Variants in RAPGEF4 observed in about 807,000 individuals in gnomAD.
RAPGEF4 encodes Rap guanine nucleotide exchange factor 4.
In RAPGEF4, 66 loss-of-function variants were observed where a neutral mutation model predicts 147.9. The observed-to-expected ratio is 0.45, with a 90% CI of 0.37 to 0.55. The LOEUF is 0.55. RAPGEF4 is among the 20% of genes least tolerant of loss of function. RAPGEF4 has a pLI of 0.00. For synonymous variants in RAPGEF4, 419 were observed against 442.7 expected (o/e 0.95, Z 0.67); for missense variants, 1,071 against 1,257.3 (o/e 0.85, Z 2.24).
intron 5 of RAPGEF4, among the ~76,000 whole-genome samples, chr2:172,918,211 C>T (rs1033724119): frequency 1.4e-5 from 2 of 145,274 alleles, no homozygotes; most frequent in Non-Finnish European, 3.0e-5. Flanking sequence ...GTATTTGTTT[C>T]AGTCCCATCT....
At chr2:172,969,009 C>T (rs993783571) in intron 10 of RAPGEF4, among the ~76,000 whole-genome samples, 1 of 152,190 alleles carries the variant, frequency 6.6e-6, no homozygotes. Context: ...GTGGGACAGC[C>T]CCCTAAGGGC....
chr2:172,736,666 C>CGA (rs1454780571), intron 1 of RAPGEF4, among the ~76,000 whole-genome samples: 8 of 152,174 alleles, frequency 5.3e-5, no homozygotes, highest in African/African-American at 1.9e-4. Context: ...ATAATTAAAA[C>CGA]CATAAAGCAT....
intron 29 of RAPGEF4, among the ~76,000 whole-genome samples, chr2:173,047,779 C>A (rs1316717295): frequency 1.3e-5 from 2 of 152,078 alleles, no homozygotes. Flanking sequence ...CAGGTTCACG[C>A]CATTCTCCTG....
At chr2:172,833,379 T>C (rs1188688211) in intron 4 of RAPGEF4, among the ~76,000 whole-genome samples, 1 of 151,932 alleles carries the variant, frequency 6.6e-6, no homozygotes, top group Non-Finnish European at 1.5e-5. Context: ...ATACAAAACT[T>C]AAAATTTGAT....
intron 8 of RAPGEF4, among the ~76,000 whole-genome samples, chr2:172,964,561 C>T (rs1689637119): frequency 6.6e-6 from 1 of 152,040 alleles, no homozygotes; most frequent in African/African-American, 2.4e-5. Flanking sequence ...CCATGAGTCT[C>T]CTCCAATTTC....
intron 4 of RAPGEF4, among the ~76,000 whole-genome samples, chr2:172,916,862 C>T (rs1684126148): frequency 6.6e-6 from 1 of 152,220 alleles, no homozygotes; most frequent in African/African-American, 2.4e-5. Context: ...GTGCAACCCA[C>T]AAGCACACTA....
At chr2:172,775,869 C>A (rs1248064871) in intron 1 of RAPGEF4, among the ~76,000 whole-genome samples, 4 of 152,082 alleles carry the variant, frequency 2.6e-5, no homozygotes, top group Non-Finnish European at 4.4e-5. Context: ...TCCTAAGGTG[C>A]CTTAAATCAT....
intron 10 of RAPGEF4, among the ~76,000 whole-genome samples, chr2:172,980,438 G>A (rs967639314): frequency 6.6e-6 from 1 of 152,112 alleles, no homozygotes. Context: ...CAAAGCCTTG[G>A]GGGCTGAACA....
At chr2:172,773,577 C>T (rs1683842560) in intron 1 of RAPGEF4, among the ~76,000 whole-genome samples, 3 of 152,164 alleles carry the variant, frequency 2.0e-5, no homozygotes, top group Middle Eastern at 3.4e-3. Flanking sequence ...TCTTCTCAGA[C>T]TTGAGAGCCT....
In RAPGEF4 at chr2:172,746,618, C is replaced by CT. The variant is rs569348166; in HGVS notation, c.65+10582dup. Among the ~76,000 whole-genome samples the CT allele has an allele frequency of 3.8e-3, 549 of 145,028 alleles. 1 individual carries two copies. The highest frequency in any genetic ancestry group is 8.5e-3 in the African/African-American group (339 of 39,854). On this transcript the variant is annotated intron_variant, in intron 1 of 30. Coordinates refer to ENST00000397081, the MANE Select transcript of RAPGEF4 (RefSeq NM_007023.4). ...TGCTGTATAGAAATATTACTTTTTTCTTTTTTTTTTTTGAGACAGAGTCTT... is the reference window on the plus strand; with the variant it reads ...TGCTGTATAGAAATATTACTTTTTTCTTTTTTTTTTTTTGAGACAGAGTCTT...
chr2:173,047,922 C>T (rs531101820), intron 29 of RAPGEF4, among the ~76,000 whole-genome samples: 57 of 152,232 alleles, frequency 3.7e-4, no homozygotes, highest in African/African-American at 1.2e-3. Context: ...GTGATCCACC[C>T]GCCTCGGCCT....
At chr2:172,811,545 T>C (rs1688021144) in intron 3 of RAPGEF4, among the ~76,000 whole-genome samples, 3 of 152,234 alleles carry the variant, frequency 2.0e-5, no homozygotes, top group Admixed American at 2.0e-4. Flanking sequence ...CTCTTTTGAA[T>C]AGTCCCTATT....
intron 1 of RAPGEF4, among the ~76,000 whole-genome samples, chr2:172,769,861 T>G (rs1574772595): frequency 6.6e-6 from 1 of 152,144 alleles, no homozygotes; most frequent in South Asian, 2.1e-4. Flanking sequence ...CAAATATAAG[T>G]GGGTGTCCAA....
At chr2:172,744,331 A>G (rs1399224514) in intron 1 of RAPGEF4, 5 of 451,550 alleles carry the variant, frequency 1.1e-5, no homozygotes, top group East Asian at 7.0e-5. Flanking sequence ...CCCTCTAGCT[A>G]TGTGATCTTG....
chr2:172,938,098 C>A (rs562661118), intron 6 of RAPGEF4, among the ~76,000 whole-genome samples: 68 of 152,182 alleles, frequency 4.5e-4, no homozygotes, highest in African/African-American at 1.6e-3. Context: ...ATGGTGTTAG[C>A]AAGATCTTGG....
At chr2:172,915,047 G>A (rs2553011) in intron 4 of RAPGEF4, among the ~76,000 whole-genome samples, 77,702 of 152,006 alleles carry the variant, frequency 0.51, 20,289 homozygotes, top group East Asian at 0.66. Context: ...AATATAGAGC[G>A]TTCTGCAGGG....
chr2:173,030,222 G>A lies in RAPGEF4; in HGVS notation c.2617G>A (p.Val873Ile), dbSNP rs373120144. 1.6e-4 allele frequency: 263 copies of A among 1,613,596 alleles called. No individual in the cohort carries two copies. Among genetic ancestry groups the A allele is most frequent in the Admixed American group, 6.5e-4 (39 of 60,022 alleles). ...FFAIVMGLSN[V>I]AVSRLALTWE... ...TGCCATCGTCATGGGACTAAGTAAC[G>A]TTGCTGTGAGCCGCTTGGCACTAAC... The change falls in exon 26 of 31, where the codon GTT becomes ATT. Residue 873 changes from valine to isoleucine, a missense_variant. By Grantham distance (29) the Val-to-Ile change is conservative. Coordinates refer to ENST00000397081, the MANE Select transcript of RAPGEF4 (RefSeq NM_007023.4).
chr2:172,965,285 C>T (rs1022294509), intron 8 of RAPGEF4: 6 of 407,760 alleles, frequency 1.5e-5, no homozygotes, highest in Admixed American at 1.2e-4. Context: ...CAATCTCCCC[C>T]TCTAGCGGCC....
At chr2:172,968,920 C>T (rs1049476977) in intron 10 of RAPGEF4, among the ~76,000 whole-genome samples, 23 of 152,210 alleles carry the variant, frequency 1.5e-4, no homozygotes, top group African/African-American at 5.3e-4. Context: ...CTCATCATTT[C>T]CTGGGTCCAT....
Sources: allele counts gnomAD v4.1 joint callset (sites outside exome capture counted in the v4.1 genomes callset), GRCh38; gene constraint gnomAD v4.1.1; transcripts MANE v1.5; gene names NCBI Gene and HGNC (gene_info 2026-07-23, HGNC 2026-07-21).